Variants in ZFAT observed in about 807,000 individuals in gnomAD.
The protein encoded by ZFAT is zinc finger protein ZFAT.
Under a neutral mutation model 117.7 loss-of-function variants are expected in ZFAT, and 64 were observed. The ratio of observed to expected loss-of-function variants is 0.54; its 90% CI spans 0.44 to 0.67. ZFAT has a LOEUF of 0.67. Among genes scored for constraint, ZFAT ranks in the 30% least tolerant of loss-of-function variants. The pLI is 0.00. For missense variants in ZFAT, 1,433 were observed against 1,584.5 expected (o/e 0.90, Z 1.62); for synonymous variants, 679 against 615.0 (o/e 1.10, Z -1.54).
intron 2 of ZFAT, among the ~76,000 whole-genome samples, chr8:134,641,760 T>C (rs1341778340): frequency 6.6e-6 from 1 of 152,234 alleles, no homozygotes; most frequent in African/African-American, 2.4e-5. Context: ...AGCCATTTCC[T>C]GTGTCCCCAG....
At chr8:134,588,586 C>A (rs1405662071) in intron 8 of ZFAT, among the ~76,000 whole-genome samples, 191 bp from the exon 9 acceptor site, 2 of 152,184 alleles carry the variant, frequency 1.3e-5, no homozygotes, top group Non-Finnish European at 2.9e-5. Context: ...CTGTTAACAT[C>A]ATGTATGAGG....
the ZFAT span, among the ~76,000 whole-genome samples, chr8:134,748,889 C>T: frequency 6.6e-6 from 1 of 151,846 alleles, no homozygotes. Context: ...CAAGTCTTTG[C>T]CTATTTTTTT....
At chr8:134,733,651 G>A in the ZFAT span, among the ~76,000 whole-genome samples, 2 of 152,368 alleles carry the variant, frequency 1.3e-5, no homozygotes, top group South Asian at 2.1e-4. Flanking sequence ...ACTAGCTAAA[G>A]GTGGTTGCTT....
At chr8:134,489,033 A>G (rs1191438044) in intron 15 of ZFAT, among the ~76,000 whole-genome samples, 1 of 113,668 alleles carries the variant, frequency 8.8e-6, no homozygotes, top group East Asian at 2.1e-4. Context: ...AACAAAGAGG[A>G]AAAAAAAAAA....
At chr8:134,577,484 A>T (rs1200022048) in intron 10 of ZFAT, among the ~76,000 whole-genome samples, 2 of 152,262 alleles carry the variant, frequency 1.3e-5, no homozygotes, top group Non-Finnish European at 2.9e-5. Context: ...CCTAATTCAC[A>T]AGCATTTGAT....
the ZFAT span, among the ~76,000 whole-genome samples, chr8:134,803,067 A>C: frequency 6.6e-6 from 1 of 152,228 alleles, no homozygotes; most frequent in Non-Finnish European, 1.5e-5. Context: ...ATATAGAACA[A>C]ATGTTACATA....
intron 10 of ZFAT, among the ~76,000 whole-genome samples, chr8:134,566,845 T>C (rs892496260): frequency 2.6e-5 from 4 of 152,224 alleles, no homozygotes; most frequent in African/African-American, 9.6e-5. Context: ...GTCCACACTT[T>C]GGAAATCTTC....
At chr8:134,536,778 A>G (rs1315084136) in intron 11 of ZFAT, among the ~76,000 whole-genome samples, 1 of 152,206 alleles carries the variant, frequency 6.6e-6, no homozygotes, top group Non-Finnish European at 1.5e-5. Context: ...GGACTTAAAT[A>G]TCAACTCCAA....
intron 14 of ZFAT, chr8:134,510,648 G>A (rs1324474927): frequency 6.4e-6 from 1 of 156,376 alleles, no homozygotes; most frequent in Non-Finnish European, 1.4e-5. Flanking sequence ...TGGTGCAAAT[G>A]TACCTTGCAG....
chr8:134,633,327 T>C (rs1423227452), intron 3 of ZFAT, among the ~76,000 whole-genome samples: 1 of 152,146 alleles, frequency 6.6e-6, no homozygotes, highest in Non-Finnish European at 1.5e-5. Flanking sequence ...TAAAAAGCAC[T>C]AAAAAACAGC....
intron 11 of ZFAT, among the ~76,000 whole-genome samples, chr8:134,555,283 T>C (rs1052883338): frequency 6.6e-6 from 1 of 152,120 alleles, no homozygotes; most frequent in African/African-American, 2.4e-5. Context: ...TGGCTGATCA[T>C]GTAAGTACCC....
At chr8:134,772,345 C>T in the ZFAT span, among the ~76,000 whole-genome samples, 3 of 152,330 alleles carry the variant, frequency 2.0e-5, no homozygotes, top group South Asian at 6.2e-4. Flanking sequence ...ATTCAAAGTG[C>T]TACTCCAGTG....
In ZFAT at chr8:134,620,852, G is replaced by A. The variant is rs1168046722; in HGVS notation, c.449-10197C>T. On this transcript the variant is annotated intron_variant, in intron 3 of 15. Coordinates refer to ENST00000377838, the MANE Select transcript of ZFAT (RefSeq NM_020863.4). ...TGTCTTTTAACAAACACATCCTAAT[G>A]TGGAAAATAAGGACACCGAAGGGAG... Among the ~76,000 whole-genome samples the A allele has an allele frequency of 3.3e-5, 5 of 152,324 alleles. No individual in the cohort carries two copies. In the East Asian group the frequency reaches 9.6e-4, roughly 29 times the overall value.
intron 1 of ZFAT, among the ~76,000 whole-genome samples, chr8:134,706,034 C>G (rs1055655380): frequency 1.3e-5 from 2 of 152,112 alleles, no homozygotes; most frequent in African/African-American, 4.8e-5. Context: ...GGACAGAGAG[C>G]AAGCAGAATT....
At chr8:134,711,481 C>T (rs1219191885) in intron 1 of ZFAT, among the ~76,000 whole-genome samples, 5 of 152,132 alleles carry the variant, frequency 3.3e-5, no homozygotes, top group Non-Finnish European at 7.4e-5. Context: ...CTGGGCACCA[C>T]AGCTAATCAG....
chr8:134,691,431 G>T (rs1833582210), intron 1 of ZFAT, among the ~76,000 whole-genome samples: 1 of 152,252 alleles, frequency 6.6e-6, no homozygotes, highest in South Asian at 2.1e-4. Context: ...CCTGTAGCAG[G>T]TCCATTCACA....
intron 1 of ZFAT, among the ~76,000 whole-genome samples, chr8:134,703,887 G>A (rs1220743247): frequency 6.6e-6 from 1 of 152,178 alleles, no homozygotes; most frequent in Non-Finnish European, 1.5e-5. Context: ...GGAAGGGGAA[G>A]AGAGGAGAGG....
At position 134,518,703 on chromosome 8, in the gene ZFAT, CTTAT is replaced by C. The variant is rs1021882347; in HGVS notation, c.3234+2176_3234+2179del. 1.4e-3 allele frequency among the ~76,000 whole-genome samples: 219 copies of C among 151,506 alleles called. 2 individuals carry two copies. Among genetic ancestry groups the C allele is most frequent in the African/African-American group, 5.1e-3 (211 of 41,318 alleles). ...AATATTTTTATCATTTATCTTTTTA[CTTAT>C]TTATGAGCTCTCAGTTTATAGATGA... On this transcript the variant is annotated intron_variant, in intron 13 of 15. Transcript: ENST00000377838.
the ZFAT span, among the ~76,000 whole-genome samples, chr8:134,823,199 G>A: frequency 1.3e-5 from 2 of 152,170 alleles, no homozygotes; most frequent in South Asian, 4.1e-4. Flanking sequence ...ATTTCACTGG[G>A]AGACAGGACA....
Sources: gnomAD v4.1 joint callset for allele counts (sites outside exome capture counted in the v4.1 genomes callset) on GRCh38, gnomAD v4.1.1 for gene constraint, MANE v1.5 for transcripts, NCBI Gene and HGNC (gene_info 2026-07-23, HGNC 2026-07-21) for gene names.